The following MGST1 variants were observed in gnomAD, a reference collection of about 807,000 sequenced individuals.
MGST1 encodes the protein microsomal glutathione S-transferase 1.
In MGST1, 5 loss-of-function variants were observed where a neutral mutation model predicts 8.9. The observed-to-expected ratio is 0.56, with a 90% CI of 0.29 to 1.19. The LOEUF (loss-of-function observed/expected upper bound fraction) is 1.19. MGST1 is among the 50% of genes most tolerant of loss of function. MGST1 has a pLI of 0.08. For synonymous variants in MGST1, 54 were observed against 67.8 expected, an observed-to-expected ratio of 0.80 and a Z score of 1.00; for missense variants, 182 against 187.4, an observed-to-expected ratio of 0.97 and a Z score of 0.17.
At chr12:16,487,788 A>T (rs956761173) in intron 4 of MGST1, among the ~76,000 whole-genome samples, 4 of 152,196 alleles carry the variant, frequency 2.6e-5, no homozygotes, top group African/African-American at 4.8e-5. Flanking sequence ...CTGGGACTAC[A>T]GGTGTGCACA....
chr12:16,524,040 C>T (rs756038424), intron 4 of MGST1, among the ~76,000 whole-genome samples: 1 of 151,992 alleles, frequency 6.6e-6, no homozygotes, highest in Non-Finnish European at 1.5e-5. Flanking sequence ...TATACATTTG[C>T]TTTGTAAACA....
rs1461783885 is a variant in MGST1 at position 16,401,157 on chromosome 12, C to G, written n.778+17553C>G. On this transcript the variant is annotated intron_variant and non_coding_transcript_variant, in intron 1 of 1. Coordinates refer to the MGST1 transcript ENST00000359720. This position sits in a 1 kb window ranked among gnomAD's most constrained non-coding sequence, Gnocchi z 4.3. ...AAATACCCACATTCTTCACTTTCTT[C>G]TTCACAGAAGTGAGAACAGTAGCTG... The G allele has an allele frequency of 4.5e-6, 7 of 1,562,226 alleles. No homozygotes were observed. Among genetic ancestry groups the G allele is most frequent in the Non-Finnish European group, 6.2e-6 (7 of 1,134,206 alleles).
chr12:16,441,690 A>G (rs1234374645), downstream of MGST1, among the ~76,000 whole-genome samples: 1 of 151,724 alleles, frequency 6.6e-6, no homozygotes, highest in Non-Finnish European at 1.5e-5. Context: ...GTGCTGAATA[A>G]TACTCCATTG....
Position 16,565,983 on chromosome 12 carries a change from CATATATAT to C in MGST1, n.483-23495_483-23488del, listed in dbSNP as rs61358392. Among the ~76,000 whole-genome samples, 143 of 43,788 alleles carry C rather than the reference CATATATAT, an allele frequency of 3.3e-3. 2 individuals are homozygous for C. The highest frequency in any genetic ancestry group is 4.5e-3 in the East Asian group (4 of 894). 28.7% of individuals were successfully genotyped at this position (43,788 alleles called of 152,430 possible). Reference sequence around the variant, plus strand: ...GGATGAATGGATGAAGAAAATGTGCCATATATATATATATATATATATATATATATATA... The same window carrying C: ...GGATGAATGGATGAAGAAAATGTGCCATATATATATATATATATATATATA... On this transcript the variant is annotated intron_variant and non_coding_transcript_variant, in intron 4 of 4. Transcript: ENST00000538857.
chr12:16,376,199 A>G, exon 4 of MGST1: 1 of 872,896 alleles, frequency 1.1e-6, no homozygotes, highest in Non-Finnish European at 1.7e-6. Flanking sequence ...CTGATGAAGA[A>G]GAAATGTTTC....
intron 4 of MGST1, among the ~76,000 whole-genome samples, chr12:16,542,095 AT>A (rs1941796625): frequency 6.6e-6 from 1 of 152,020 alleles, no homozygotes; most frequent in Non-Finnish European, 1.5e-5. Context: ...TTTCATTTGC[AT>A]TTTTCAGGCA....
rs144858565 is a variant in MGST1 at position 16,500,624 on chromosome 12, C to T, written n.483-88904C>T. ...ATTTAGGTCAAAATTAACTTAGAGT[C>T]GTTTTTGACAAAGCAGAGACTTAGA... On this transcript the variant is annotated intron_variant and non_coding_transcript_variant, in intron 4 of 4. Coordinates refer to the MGST1 transcript ENST00000538857. The surrounding 1 kb of genome is among the most constrained non-coding windows in gnomAD (Gnocchi z 4.3). Among the ~76,000 whole-genome samples, 1 of 152,258 alleles carries T rather than the reference C, an allele frequency of 6.6e-6. No homozygotes were observed. The highest frequency in any genetic ancestry group is 1.9e-4 in the East Asian group (1 of 5,184).
chr12:16,574,051 G>C (rs1942915484), intron 4 of MGST1: 1 of 152,032 alleles, frequency 6.6e-6, no homozygotes, highest in African/African-American at 2.4e-5. Context: ...AGTAACAAAT[G>C]TGTCCACGTG....
intron 1 of MGST1, among the ~76,000 whole-genome samples, chr12:16,409,911 GCCA>G: frequency 6.6e-6 from 1 of 152,190 alleles, no homozygotes; most frequent in Admixed American, 6.5e-5. Flanking sequence ...GGTATATTGA[GCCA>G]CTCAGATAAC....
intron 4 of MGST1, among the ~76,000 whole-genome samples, chr12:16,533,247 A>G (rs1402562277): frequency 2.0e-5 from 3 of 152,124 alleles, no homozygotes; most frequent in African/African-American, 7.2e-5. Context: ...ATTCCACTTT[A>G]ATATTCATGT....
At chr12:16,399,598 C>T in intron 1 of MGST1, 1 of 1,607,358 alleles carries the variant, frequency 6.2e-7, no homozygotes, top group Non-Finnish European at 8.5e-7. Flanking sequence ...AAAGTCTCAT[C>T]TTCAATTTCA....
chr12:16,461,923 G>A (rs1034341904), intron 4 of MGST1, among the ~76,000 whole-genome samples: 1 of 152,034 alleles, frequency 6.6e-6, no homozygotes, highest in Non-Finnish European at 1.5e-5. Context: ...GCTTGAAATA[G>A]CTATTCCTAA....
At chr12:16,426,880 G>A (rs1421048772) in intron 1 of MGST1, among the ~76,000 whole-genome samples, 3 of 150,286 alleles carry the variant, frequency 2.0e-5, no homozygotes, top group African/African-American at 7.3e-5. Flanking sequence ...GCTGAGGCAG[G>A]AGAATGGCAT....
chr12:16,460,716 C>G (rs1471127296), intron 4 of MGST1, among the ~76,000 whole-genome samples: 2 of 151,070 alleles, frequency 1.3e-5, no homozygotes, highest in African/African-American at 4.9e-5. Context: ...GATCTAAATT[C>G]AGGCTATATT....
At chr12:16,452,109 T>C (rs982318242) in intron 4 of MGST1, among the ~76,000 whole-genome samples, 1 of 151,786 alleles carries the variant, frequency 6.6e-6, no homozygotes, top group Admixed American at 6.6e-5. Flanking sequence ...ACACATAAAA[T>C]GGCAGGTCTG....
intron 4 of MGST1, among the ~76,000 whole-genome samples, chr12:16,493,437 C>T (rs1025756691): frequency 1.3e-5 from 2 of 152,074 alleles, no homozygotes; most frequent in African/African-American, 4.8e-5. Context: ...ATCAGAACCT[C>T]TGGGAATAGG....
chr12:16,582,612 C>G lies in MGST1; in HGVS notation n.483-6916C>G, dbSNP rs1943195658. On this transcript the variant is annotated intron_variant and non_coding_transcript_variant, in intron 4 of 4. Coordinates refer to the MGST1 transcript ENST00000538857. This position sits in a 1 kb window ranked among gnomAD's most constrained non-coding sequence, Gnocchi z 4.1. Reference sequence around the variant, plus strand: ...AATGGGCTACGGGTAGAGATTGAGCCATCACAATAAGAGGAGGGATTGAAA... The same window carrying G: ...AATGGGCTACGGGTAGAGATTGAGCGATCACAATAAGAGGAGGGATTGAAA... Among the ~76,000 whole-genome samples the G allele has an allele frequency of 1.3e-5, 2 of 152,078 alleles. No individual in the cohort carries two copies. The highest frequency in any genetic ancestry group is 4.1e-4 in the South Asian group (2 of 4,832).
Position 16,548,974 on chromosome 12 carries a change from C to T in MGST1, n.483-40554C>T, listed in dbSNP as rs1180211527. The T allele has an allele frequency of 6.6e-6, 1 of 152,162 alleles. No homozygotes were observed. 9.4% of individuals were successfully genotyped at this position (152,162 alleles called of 1,614,324 possible). On this transcript the variant is annotated intron_variant and non_coding_transcript_variant, in intron 4 of 4. Transcript: ENST00000538857. This position sits in a 1 kb window ranked among gnomAD's most constrained non-coding sequence, Gnocchi z 4.2. ...TCCAGTGGCAAGGATAGTTGAACAA[C>T]TTCAAGAAGCTGAGAGAAGTTTGTT...
chr12:16,381,266 A>G (rs1275741943), downstream of MGST1, among the ~76,000 whole-genome samples: 2 of 152,200 alleles, frequency 1.3e-5, no homozygotes, highest in African/African-American at 4.8e-5. Context: ...ATGTTTTTGC[A>G]GTGGCTGGTA....
Sources: allele counts gnomAD v4.1 joint callset (sites outside exome capture counted in the v4.1 genomes callset), GRCh38; gene constraint gnomAD v4.1.1; non-coding constraint Gnocchi (gnomAD v3.1); transcripts MANE v1.5; gene names NCBI Gene and HGNC (gene_info 2026-07-23, HGNC 2026-07-21).